WDPCP: variants seen among roughly 807,000 people sequenced by gnomAD.
WDPCP encodes the protein WD repeat containing planar cell polarity effector.
WDPCP carries 71 observed loss-of-function variants against 93.1 expected under a neutral mutation model. The ratio of observed to expected loss-of-function variants is 0.76; its 90% confidence interval spans 0.63 to 0.93. The LOEUF is 0.93. Ranked by LOEUF, WDPCP falls within the 40% of genes least tolerant of loss-of-function variation. The pLI, the probability that WDPCP is intolerant of heterozygous loss-of-function variation, is 0.00. For missense variants in WDPCP, 844 were observed against 887.4 expected, an observed-to-expected ratio of 0.95 and a Z score of 0.62; for synonymous variants, 315 against 315.0, an observed-to-expected ratio of 1.00 and a Z score of 0.00.
chr2:63,755,205 C>T (rs769969387), intron 2 of WDPCP, among the ~76,000 whole-genome samples: 39 of 152,298 alleles, frequency 2.6e-4, no homozygotes, highest in Middle Eastern at 3.4e-3. Context: ...GTTCGTTACA[C>T]AGGTCTGCTA....
chr2:63,752,572 G>A, intron 2 of WDPCP: 1 of 637,976 alleles, frequency 1.6e-6, no homozygotes, highest in South Asian at 1.8e-5. Context: ...TTGTTTCAAA[G>A]CTCAGCCTTC....
At chr2:63,246,549 C>T (rs536221530) in intron 14 of WDPCP, among the ~76,000 whole-genome samples, 3 of 152,256 alleles carry the variant, frequency 2.0e-5, no homozygotes, top group African/African-American at 7.2e-5. Flanking sequence ...CAGCAGTGAG[C>T]AGAAGCATGG....
chr2:63,672,129 G>A (rs1710355124), intron 2 of WDPCP, among the ~76,000 whole-genome samples: 1 of 152,154 alleles, frequency 6.6e-6, no homozygotes, highest in African/African-American at 2.4e-5. Context: ...CTGCCCTCTA[G>A]GACTTTTTGG....
chr2:63,392,709 A>T (rs1328281037), intron 10 of WDPCP, among the ~76,000 whole-genome samples: 1 of 152,234 alleles, frequency 6.6e-6, no homozygotes, highest in Non-Finnish European at 1.5e-5. Context: ...AAACAACCCC[A>T]TCAAAAAGTG....
chr2:63,386,217 A>C (rs1225011917), intron 10 of WDPCP, among the ~76,000 whole-genome samples: 1 of 152,142 alleles, frequency 6.6e-6, no homozygotes, highest in Non-Finnish European at 1.5e-5. Context: ...GAATTTCATT[A>C]AAATTAAAAA....
chr2:63,647,047 G>A (rs1710059954), intron 3 of WDPCP, among the ~76,000 whole-genome samples: 1 of 151,948 alleles, frequency 6.6e-6, no homozygotes, highest in South Asian at 2.1e-4. Context: ...TCTTAGATTT[G>A]CCCTTTTGAG....
chr2:63,760,741 T>C (rs1383879898), intron 2 of WDPCP, among the ~76,000 whole-genome samples: 4 of 152,160 alleles, frequency 2.6e-5, no homozygotes, highest in African/African-American at 9.7e-5. Flanking sequence ...ACTTGGTGGG[T>C]TGTCACTTCT....
chr2:63,327,958 G>C (rs1351721901), intron 12 of WDPCP, among the ~76,000 whole-genome samples: 1 of 152,136 alleles, frequency 6.6e-6, no homozygotes, highest in East Asian at 1.9e-4. Flanking sequence ...TACAACTGCA[G>C]GGTCCCTTCT....
chr2:63,147,542 A>T (rs899701184), intron 17 of WDPCP, among the ~76,000 whole-genome samples: 8 of 152,216 alleles, frequency 5.3e-5, no homozygotes, highest in Non-Finnish European at 8.8e-5. Context: ...TTTGGATATT[A>T]TCTAGTCAAA....
chr2:63,494,303 AATG>A (rs1263522881), intron 1 of WDPCP, among the ~76,000 whole-genome samples: 1 of 55,930 alleles, frequency 1.8e-5, no homozygotes, highest in Admixed American at 1.8e-4. Flanking sequence ...CGACGACGAC[AATG>A]ATGATGACGA....
chr2:63,171,877 C>T lies in WDPCP; in HGVS notation c.2078+2793G>A, dbSNP rs543686734. ...AGCAATTAAGAAGGAATAAACTACA[C>T]ATTACATGAGCCTCAGTAACATAAT... On this transcript the variant is annotated intron_variant, in intron 15 of 17. Transcript: ENST00000272321. Among the ~76,000 whole-genome samples the T allele has an allele frequency of 3.9e-5, 6 of 152,264 alleles. No individual in the cohort carries two copies. In the South Asian group the frequency reaches 1.0e-3, roughly 26 times the overall value.
intron 12 of WDPCP, among the ~76,000 whole-genome samples, chr2:63,354,935 T>G (rs543394730): frequency 5.9e-5 from 9 of 152,158 alleles, no homozygotes; most frequent in Non-Finnish European, 1.2e-4. Context: ...TGGAGAAGTA[T>G]GGGATTATGT....
the WDPCP span, among the ~76,000 whole-genome samples, chr2:63,836,020 A>G: frequency 4.5e-3 from 685 of 152,246 alleles, 4 homozygotes; most frequent in Admixed American, 8.5e-3. Flanking sequence ...AAGCCCAGCT[A>G]ATTTTTGTAT....
At chr2:63,317,211 G>A (rs1686710371) in intron 12 of WDPCP, among the ~76,000 whole-genome samples, 1 of 151,930 alleles carries the variant, frequency 6.6e-6, no homozygotes. Flanking sequence ...CAGGCATGGT[G>A]GCTCATACCT....
intron 14 of WDPCP, among the ~76,000 whole-genome samples, chr2:63,234,361 G>A (rs2104587543): frequency 6.6e-6 from 1 of 152,278 alleles, no homozygotes; most frequent in South Asian, 2.1e-4. Flanking sequence ...AAATGAGGCA[G>A]GATGATTGCT....
At chr2:63,572,890 T>C (rs1229701558) in intron 1 of WDPCP, among the ~76,000 whole-genome samples, 1 of 151,632 alleles carries the variant, frequency 6.6e-6, no homozygotes, top group Non-Finnish European at 1.5e-5. Flanking sequence ...TATACAAAGT[T>C]CTCATTTTTA....
chr2:63,283,709 T>G (rs1047502556), intron 13 of WDPCP, among the ~76,000 whole-genome samples: 1 of 152,218 alleles, frequency 6.6e-6, no homozygotes, highest in South Asian at 2.1e-4. Context: ...AAATCCAAAA[T>G]GCTTCAAAAT....
At position 63,484,592 on chromosome 2, in the gene WDPCP, A is replaced by G; in HGVS notation, c.384+12T>C. On this transcript the variant is annotated intron_variant, in intron 6 of 17. Transcript: ENST00000272321. ...TGGTTAAACACTGCAAAGGCTTGTCAAATCATTTTACCTGACAGACATATT... is the reference window on the plus strand; with the variant it reads ...TGGTTAAACACTGCAAAGGCTTGTCGAATCATTTTACCTGACAGACATATT... The G allele has an allele frequency of 6.2e-7, 1 of 1,612,708 alleles. No homozygotes were observed. The highest frequency in any genetic ancestry group is 8.5e-7 in the Non-Finnish European group (1 of 1,179,084).
chr2:63,391,530 T>G (rs568706105), intron 10 of WDPCP, among the ~76,000 whole-genome samples: 2 of 152,254 alleles, frequency 1.3e-5, no homozygotes, highest in East Asian at 3.9e-4. Flanking sequence ...TATTGGAAGT[T>G]CTGGCTAGGG....
Sources: allele counts gnomAD v4.1 joint callset (sites outside exome capture counted in the v4.1 genomes callset), GRCh38; gene constraint gnomAD v4.1.1; transcripts MANE v1.5; gene names NCBI Gene and HGNC (gene_info 2026-07-23, HGNC 2026-07-21).